Variants in SIK3 observed in about 807,000 individuals in gnomAD.
SIK3 encodes the protein serine/threonine-protein kinase SIK3.
A neutral mutation model predicts 144.2 loss-of-function variants in SIK3; 28 were observed. The observed-to-expected ratio is 0.19, with a 90% CI of 0.14 to 0.27. The LOEUF (loss-of-function observed/expected upper bound fraction) is 0.27. Among genes scored for constraint, SIK3 ranks in the 10% least tolerant of loss-of-function variants. The pLI, the probability that SIK3 is intolerant of heterozygous loss-of-function variation, is 1.00. For missense variants in SIK3, 1,319 were observed against 1,776.0 expected (o/e 0.74, Z 4.62); for synonymous variants, 686 against 676.3 (o/e 1.01, Z -0.22).
chr11:116,891,662 A>G (rs1449450495), intron 6 of SIK3, among the ~76,000 whole-genome samples: 1 of 151,976 alleles, frequency 6.6e-6, no homozygotes, highest in Non-Finnish European at 1.5e-5. Context: ...GTGTTTAAGT[A>G]AGAGAGAGAG....
At chr11:116,847,707 A>C (rs1942091352) in intron 22 of SIK3, 99 bp from the exon 23 acceptor site, 2 of 1,523,850 alleles carry the variant, frequency 1.3e-6, no homozygotes, top group Non-Finnish European at 1.8e-6. Context: ...CAGGCAAAAG[A>C]CAGCCCGGGG....
intron 21 of SIK3, among the ~76,000 whole-genome samples, chr11:116,855,083 CAAAAAAAAAAAAAA>C: frequency 1.2e-5 from 1 of 82,092 alleles, no homozygotes; most frequent in Non-Finnish European, 2.1e-5. Context: ...GAGACTCTGC[CAAAAAAAAAAAAAA>C]AAAAAAAAAA....
At chr11:116,965,778 T>C (rs1388819979) in intron 1 of SIK3, among the ~76,000 whole-genome samples, 8 of 64,200 alleles carry the variant, frequency 1.2e-4, no homozygotes, top group Non-Finnish European at 5.9e-5. Context: ...TATATATATA[T>C]ATATAAATTA....
intron 3 of SIK3, among the ~76,000 whole-genome samples, chr11:116,946,361 T>C (rs1173881735): frequency 6.6e-6 from 1 of 150,520 alleles, no homozygotes; most frequent in African/African-American, 2.5e-5. Flanking sequence ...CAAAAGACTT[T>C]GTCACTTACG....
rs978539666 is a variant in SIK3, at chr11:116,875,820, C to A, written c.1239+46G>T. On this transcript the variant is annotated intron_variant, in intron 9 of 24. Transcript: ENST00000445177. The stretch of plus-strand genomic sequence containing the variant: ...GTGAGCAACAGCTAACCTTTACCCC[C>A]CTGGTGTTACTTGTCCTGAACTAGG... 5 of 1,558,734 alleles carry A rather than the reference C, an allele frequency of 3.2e-6. No individual in the cohort carries two copies. In the African/African-American group the frequency reaches 5.5e-5, roughly 17 times the overall value.
chr11:116,889,145 G>C (rs1237494110), intron 6 of SIK3, among the ~76,000 whole-genome samples: 1 of 152,172 alleles, frequency 6.6e-6, no homozygotes, highest in Non-Finnish European at 1.5e-5. Context: ...TTACCTGTGT[G>C]GCTTTGGCAA....
intron 1 of SIK3, among the ~76,000 whole-genome samples, chr11:116,978,816 T>C (rs914272607): frequency 1.3e-5 from 2 of 152,276 alleles, no homozygotes; most frequent in East Asian, 3.9e-4. Context: ...CCCGTATTTA[T>C]TATTTCTAAC....
chr11:117,063,254 G>A (rs1277708608), intron 1 of SIK3, among the ~76,000 whole-genome samples: 2 of 152,104 alleles, frequency 1.3e-5, no homozygotes, highest in African/African-American at 2.4e-5. Flanking sequence ...GCTTCAATGA[G>A]TACCCACGTC....
intron 3 of SIK3, among the ~76,000 whole-genome samples, chr11:116,936,172 C>T (rs1043807846): frequency 4.6e-5 from 7 of 152,090 alleles, no homozygotes; most frequent in South Asian, 2.1e-4. Context: ...ACTGAACTAG[C>T]GTTCTCTTTG....
chr11:116,856,113 C>A (rs925206845), intron 21 of SIK3, among the ~76,000 whole-genome samples: 3 of 150,076 alleles, frequency 2.0e-5, no homozygotes, highest in African/African-American at 7.3e-5. Flanking sequence ...AGGAGAATGG[C>A]GTGAGCATTG....
chr11:116,902,543 A>G (rs1431590341), intron 4 of SIK3, among the ~76,000 whole-genome samples: 1 of 152,242 alleles, frequency 6.6e-6, no homozygotes, highest in Non-Finnish European at 1.5e-5. Flanking sequence ...CCACATCTGC[A>G]GAAGCACCTG....
At chr11:116,945,296 A>G (rs1948528860) in intron 3 of SIK3, among the ~76,000 whole-genome samples, 1 of 149,446 alleles carries the variant, frequency 6.7e-6, no homozygotes, top group South Asian at 2.1e-4. Flanking sequence ...GTAGTTTTAG[A>G]CTTTCATCTC....
At chr11:117,085,005 CATTAAT>C (rs1478132347) in intron 1 of SIK3, among the ~76,000 whole-genome samples, 2 of 147,680 alleles carry the variant, frequency 1.4e-5, no homozygotes, top group African/African-American at 2.5e-5. Context: ...TGTTAACAAA[CATTAAT>C]ATTTAATATT....
intron 21 of SIK3, among the ~76,000 whole-genome samples, chr11:116,853,460 C>T (rs958893492): frequency 6.6e-6 from 1 of 152,204 alleles, no homozygotes; most frequent in Non-Finnish European, 1.5e-5. Flanking sequence ...GATGATCGTC[C>T]GATCACACAA....
At chr11:116,917,384 C>G (rs575174830) in intron 4 of SIK3, among the ~76,000 whole-genome samples, 1 of 152,200 alleles carries the variant, frequency 6.6e-6, no homozygotes, top group Non-Finnish European at 1.5e-5. Flanking sequence ...GATAGAATAT[C>G]AATGTTCTTC....
At chr11:116,991,222 C>CGGA (rs1950491364) in intron 1 of SIK3, among the ~76,000 whole-genome samples, 1 of 152,082 alleles carries the variant, frequency 6.6e-6, no homozygotes, top group South Asian at 2.1e-4. Context: ...CCAAGGTGGG[C>CGGA]GGATCCAAGG....
chr11:117,085,418 T>C (rs1231702247), intron 1 of SIK3, among the ~76,000 whole-genome samples: 2 of 152,130 alleles, frequency 1.3e-5, no homozygotes, highest in Non-Finnish European at 2.9e-5. Flanking sequence ...TGAACCACCA[T>C]ACCCAGCCCT....
chr11:117,047,712 G>A (rs1285759082), intron 1 of SIK3, among the ~76,000 whole-genome samples: 3 of 152,186 alleles, frequency 2.0e-5, no homozygotes, highest in African/African-American at 4.8e-5. Flanking sequence ...GGAGGCCGAG[G>A]TGAGAGGACT....
At chr11:116,919,575 C>T (rs921158216) in intron 4 of SIK3, among the ~76,000 whole-genome samples, 5 of 152,138 alleles carry the variant, frequency 3.3e-5, no homozygotes, top group South Asian at 4.1e-4. Flanking sequence ...ATTCTTATAA[C>T]GTCTAAGCAT....
Sources: gnomAD v4.1 joint callset for allele counts (sites outside exome capture counted in the v4.1 genomes callset) on GRCh38, gnomAD v4.1.1 for gene constraint, MANE v1.5 for transcripts, NCBI Gene and HGNC (gene_info 2026-07-23, HGNC 2026-07-21) for gene names.